ODR4: variants seen among roughly 807,000 people sequenced by gnomAD.
ODR4 encodes odr-4 GPCR localization factor homolog, also known as protein odr-4 homolog.
Under a neutral mutation model 60.2 loss-of-function variants are expected in ODR4, and 47 were observed. The ratio of observed to expected loss-of-function variants is 0.78; its 90% CI spans 0.62 to 1.00. ODR4 has a LOEUF of 1.00. Among genes scored for constraint, ODR4 ranks in the 50% least tolerant of loss-of-function variants. ODR4 has a pLI of 0.00. For missense variants in ODR4, 488 were observed against 530.8 expected (o/e 0.92, Z 0.79); for synonymous variants, 178 against 175.5 (o/e 1.01, Z -0.11).
At chr1:186,415,726 T>C (rs1302614605) in intron 12 of ODR4, among the ~76,000 whole-genome samples, 1 of 152,248 alleles carries the variant, frequency 6.6e-6, no homozygotes, top group Non-Finnish European at 1.5e-5. Context: ...ACTATTAGCC[T>C]GTGTGGTCTC....
At position 186,378,593 on chromosome 1, in the gene ODR4, AT is replaced by A. The variant is rs1659887232; in HGVS notation, c.-19-1171del. On this transcript the variant is annotated intron_variant, in intron 1 of 13. Coordinates refer to ENST00000287859, the MANE Select transcript of ODR4 (RefSeq NM_017847.6). ...AGAGTAAGAGCTACCCGTAGTAATGATTTAATTGAAGGACTGGTTACGATTC... is the reference window on the plus strand; with the variant it reads ...AGAGTAAGAGCTACCCGTAGTAATGATTAATTGAAGGACTGGTTACGATTC... Among the ~76,000 whole-genome samples the A allele has an allele frequency of 2.0e-5, 3 of 152,212 alleles. No homozygotes were observed. The South Asian group carries it at 6.2e-4, about 32-fold the overall frequency.
chr1:186,389,184 A>G (rs1660363533), intron 5 of ODR4, among the ~76,000 whole-genome samples: 2 of 151,594 alleles, frequency 1.3e-5, no homozygotes, highest in African/African-American at 2.4e-5. Context: ...AATCTTTAGT[A>G]TTTAACTGCA....
Position 186,380,575 on chromosome 1 carries a change from C to CAA in ODR4, c.99+705_99+706dup, listed in dbSNP as rs76089299. Among the ~76,000 whole-genome samples, 75 of 129,768 alleles carry CAA rather than the reference C, an allele frequency of 5.8e-4. 2 individuals carry two copies. The highest frequency in any genetic ancestry group is 1.2e-3 in the South Asian group (5 of 4,006). The allele number at this position is 129,768 out of a possible 152,430, so 85.1% of individuals were successfully genotyped here. On this transcript the variant is annotated intron_variant, in intron 2 of 13. Coordinates refer to ENST00000287859, the MANE Select transcript of ODR4 (RefSeq NM_017847.6). ...GAGGGACCGGTCAGCAGTACAAAGC[C>CAA]AAAAAAAAAAAAAAAGGAGAGTCAC...
chr1:186,385,042 T>C (rs1002304799), intron 3 of ODR4, among the ~76,000 whole-genome samples: 3 of 152,122 alleles, frequency 2.0e-5, no homozygotes, highest in African/African-American at 7.2e-5. Flanking sequence ...TATGGAGATA[T>C]CATGGTAGTA....
intron 1 of ODR4, among the ~76,000 whole-genome samples, chr1:186,378,941 G>A (rs982940486): frequency 2.0e-5 from 3 of 152,192 alleles, no homozygotes; most frequent in Middle Eastern, 3.2e-3. Flanking sequence ...CAGAGATTGT[G>A]TTGCTCATCT....
At chr1:186,434,793 A>ATG in the ODR4 span, among the ~76,000 whole-genome samples, 1 of 152,184 alleles carries the variant, frequency 6.6e-6, no homozygotes, top group Admixed American at 6.5e-5. Context: ...GTTCAATTTC[A>ATG]TGTGTGATTA....
chr1:186,389,513 T>G, intron 5 of ODR4, 75 bp from the exon 6 acceptor site: 1 of 1,208,204 alleles, frequency 8.3e-7, no homozygotes, highest in East Asian at 2.4e-5. Context: ...TTTTTTAGTT[T>G]ATTTTTTGAT....
the ODR4 span, among the ~76,000 whole-genome samples, chr1:186,426,501 GAGTGTTCCAAGATTC>G: frequency 1.8e-3 from 280 of 152,296 alleles, no homozygotes; most frequent in Admixed American, 3.1e-3. Context: ...TTCCAAAAGG[GAGTGTTCCAAGATTC>G]AGTGTTCAGA....
chr1:186,411,384 T>G (rs894510321), intron 12 of ODR4, among the ~76,000 whole-genome samples: 1 of 152,224 alleles, frequency 6.6e-6, no homozygotes, highest in African/African-American at 2.4e-5. Flanking sequence ...ATATACAGTG[T>G]ATGATCCTAC....
intron 2 of ODR4, among the ~76,000 whole-genome samples, chr1:186,382,516 T>A (rs917639143): frequency 6.6e-6 from 1 of 152,146 alleles, no homozygotes; most frequent in Non-Finnish European, 1.5e-5. Flanking sequence ...TCACTTTAAA[T>A]TGTGTCCCAA....
At chr1:186,386,185 C>T (rs897621819) in intron 4 of ODR4, 102 bp downstream of exon 4, 1 of 619,266 alleles carries the variant, frequency 1.6e-6, no homozygotes, top group Non-Finnish European at 2.5e-6. Flanking sequence ...CATTTGTTTT[C>T]CATAATTCTT....
intron 11 of ODR4, among the ~76,000 whole-genome samples, chr1:186,405,855 A>G (rs1276565130): frequency 6.6e-6 from 1 of 152,104 alleles, no homozygotes; most frequent in African/African-American, 2.4e-5. Flanking sequence ...CCTGGAGATA[A>G]GTTTATTTTT....
intron 12 of ODR4, among the ~76,000 whole-genome samples, chr1:186,407,461 C>G (rs921534209): frequency 4.6e-5 from 7 of 152,030 alleles, no homozygotes; most frequent in Non-Finnish European, 8.8e-5. Flanking sequence ...TCGTTAAGGC[C>G]TAGCAATAGT....
chr1:186,425,046 A>C (rs559169228), downstream of ODR4, among the ~76,000 whole-genome samples: 2 of 152,098 alleles, frequency 1.3e-5, no homozygotes, highest in African/African-American at 4.8e-5. Context: ...GATGGCAGAA[A>C]TCTTTGGTAG....
At chr1:186,427,596 C>T in the ODR4 span, among the ~76,000 whole-genome samples, 3 of 152,216 alleles carry the variant, frequency 2.0e-5, no homozygotes, top group Admixed American at 2.0e-4. Context: ...CTTCCAAACT[C>T]CTGTTAATGT....
downstream of ODR4, among the ~76,000 whole-genome samples, chr1:186,422,834 G>C (rs993652921): frequency 6.6e-6 from 1 of 152,128 alleles, no homozygotes; most frequent in Non-Finnish European, 1.5e-5. Flanking sequence ...ATACAGGAAA[G>C]GGAATAAATC....
intron 12 of ODR4, among the ~76,000 whole-genome samples, chr1:186,406,556 A>T (rs982628735): frequency 6.6e-6 from 1 of 152,218 alleles, no homozygotes; most frequent in African/African-American, 2.4e-5. Context: ...AGGTAAAATT[A>T]CAAAGCTTTA....
chr1:186,403,048 A>C (rs1661045903), intron 11 of ODR4, among the ~76,000 whole-genome samples: 1 of 152,148 alleles, frequency 6.6e-6, no homozygotes, highest in East Asian at 1.9e-4. Context: ...ACTTATGTTA[A>C]TTGTCTTTAA....
At chr1:186,427,797 A>G in the ODR4 span, among the ~76,000 whole-genome samples, 507 of 152,348 alleles carry the variant, frequency 3.3e-3, 4 homozygotes, top group African/African-American at 0.012. Flanking sequence ...TTCTTGATCC[A>G]TGGTCTGAAG....
Sources: allele counts gnomAD v4.1 joint callset (sites outside exome capture counted in the v4.1 genomes callset), GRCh38; gene constraint gnomAD v4.1.1; transcripts MANE v1.5; gene names NCBI Gene and HGNC (gene_info 2026-07-23, HGNC 2026-07-21).